The following MCOLN2 variants were observed in gnomAD, a reference collection of about 807,000 sequenced individuals.
MCOLN2 encodes the protein mucolipin TRP cation channel 2.
A neutral mutation model predicts 67.5 loss-of-function variants in MCOLN2; 57 were observed. The observed-to-expected ratio is 0.84, with a 90% CI of 0.68 to 1.05. The LOEUF (loss-of-function observed/expected upper bound fraction) is 1.05. Ranked by LOEUF, MCOLN2 falls within the 50% of genes least tolerant of loss-of-function variation. The probability of loss-of-function intolerance (pLI) is 0.00; values close to 1 mark genes in which losing one functional copy is unlikely to be tolerated. For missense variants in MCOLN2, 620 were observed against 678.8 expected, an observed-to-expected ratio of 0.91 and a Z score of 0.96; for synonymous variants, 246 against 233.3, an observed-to-expected ratio of 1.05 and a Z score of -0.50.
Position 84,983,341 on chromosome 1 carries a change from C to T in MCOLN2, c.77+13455G>A, listed in dbSNP as rs1260841947. ...TGGGATTGCAGTGATGCAATCATGG[C>T]TCATTGCAGCCTTAACATCCTGAGC... On this transcript the variant is annotated intron_variant, in intron 1 of 13. Coordinates refer to ENST00000370608, the MANE Select transcript of MCOLN2 (RefSeq NM_153259.4). Among the ~76,000 whole-genome samples, 3 of 152,190 alleles carry T rather than the reference C, an allele frequency of 2.0e-5. No individual in the cohort carries two copies. The East Asian group carries it at 5.8e-4, about 29-fold the overall frequency.
intron 1 of MCOLN2, among the ~76,000 whole-genome samples, chr1:84,983,864 A>T (rs1237007895): frequency 6.6e-6 from 1 of 151,814 alleles, no homozygotes; most frequent in East Asian, 2.0e-4. Context: ...TTTAGTAGAG[A>T]CAGGGTTTCA....
At chr1:84,973,416 T>C (rs976001009) in intron 1 of MCOLN2, among the ~76,000 whole-genome samples, 2 of 152,140 alleles carry the variant, frequency 1.3e-5, no homozygotes, top group African/African-American at 4.8e-5. Context: ...AGTTCAAGGC[T>C]GCAGTGAGCT....
At chr1:84,935,417 G>A (rs1402799317) in intron 11 of MCOLN2, among the ~76,000 whole-genome samples, 1 of 152,166 alleles carries the variant, frequency 6.6e-6, no homozygotes, top group Non-Finnish European at 1.5e-5. Context: ...CTAACATTAA[G>A]TGAAAGACAT....
At chr1:84,965,744 G>A in intron 1 of MCOLN2, 36 bp from the exon 2 acceptor site, 1 of 1,601,184 alleles carries the variant, frequency 6.2e-7, no homozygotes, top group Non-Finnish European at 8.5e-7. Context: ...ATCCAGGAAA[G>A]CCTCTCCCTC....
chr1:84,943,537 T>C (rs1174555461), intron 7 of MCOLN2, among the ~76,000 whole-genome samples: 1 of 147,714 alleles, frequency 6.8e-6, no homozygotes, highest in Admixed American at 6.7e-5. Context: ...GCGGTCAGAG[T>C]CTTCCACAGC....
chr1:84,987,776 T>C (rs1650694090), intron 1 of MCOLN2, among the ~76,000 whole-genome samples: 1 of 150,030 alleles, frequency 6.7e-6, no homozygotes, highest in Non-Finnish European at 1.5e-5. Context: ...GCAACCTGGA[T>C]GGATCTGGAG....
At chr1:84,939,185 A>T (rs1251489936) in intron 9 of MCOLN2, among the ~76,000 whole-genome samples, 2 of 152,076 alleles carry the variant, frequency 1.3e-5, no homozygotes, top group Non-Finnish European at 2.9e-5. Context: ...TCCTGCCCTC[A>T]CCCCATCCGT....
At chr1:84,943,978 G>A (rs1478930691) in intron 7 of MCOLN2, among the ~76,000 whole-genome samples, 1 of 152,164 alleles carries the variant, frequency 6.6e-6, no homozygotes, top group African/African-American at 2.4e-5. Context: ...CATGGAATGG[G>A]GCAGAGGAAA....
chr1:84,988,449 A>G (rs1417024334), intron 1 of MCOLN2, among the ~76,000 whole-genome samples: 3 of 152,162 alleles, frequency 2.0e-5, no homozygotes, highest in East Asian at 1.9e-4. Flanking sequence ...CAAGATTTTT[A>G]TAAGTTACTC....
intron 1 of MCOLN2, among the ~76,000 whole-genome samples, chr1:84,991,644 A>G (rs1482915614): frequency 6.6e-6 from 1 of 152,210 alleles, no homozygotes; most frequent in Non-Finnish European, 1.5e-5. Flanking sequence ...AGAGCCACTC[A>G]TGAAAGATGA....
chr1:84,945,244 C>G (rs1399692334), intron 7 of MCOLN2, among the ~76,000 whole-genome samples: 2 of 152,156 alleles, frequency 1.3e-5, no homozygotes, highest in Admixed American at 1.3e-4. Flanking sequence ...GACTGACTAG[C>G]TTGGAAATTT....
At chr1:84,927,117 T>C (rs1368450879) in intron 13 of MCOLN2, among the ~76,000 whole-genome samples, 1 of 151,954 alleles carries the variant, frequency 6.6e-6, no homozygotes. Context: ...AGATGATGCG[T>C]TGATAGGTGC....
In MCOLN2 at chr1:84,996,972, G is replaced by T. The variant is rs1239784408; in HGVS notation, c.-100C>A. The T allele has an allele frequency of 7.6e-6, 8 of 1,056,016 alleles. No homozygotes were observed. Among genetic ancestry groups the T allele is most frequent in the Non-Finnish European group, 1.2e-5 (8 of 692,272 alleles). The allele number at this position is 1,056,016 out of a possible 1,614,324, so 65.4% of individuals were successfully genotyped here. A position where few individuals can be genotyped will look rare whatever the true frequency, so the allele number is the denominator to read the frequency against. ...CCCTCGCCGTAACGCGTCCGCCGAAGTTGGAGCCCTGCAAAGCGGGGTTCC... is the reference window on the plus strand; with the variant it reads ...CCCTCGCCGTAACGCGTCCGCCGAATTTGGAGCCCTGCAAAGCGGGGTTCC... On this transcript the variant is annotated 5_prime_UTR_variant, in exon 1 of 14. Coordinates refer to ENST00000370608, the MANE Select transcript of MCOLN2 (RefSeq NM_153259.4).
rs1467402885 is a variant in MCOLN2, at chr1:84,997,101, G to T, written c.-229C>A. The T allele has an allele frequency of 5.3e-6, 3 of 565,990 alleles. No individual in the cohort carries two copies. Among genetic ancestry groups the T allele is most frequent in the Non-Finnish European group, 9.4e-6 (3 of 319,896 alleles). The allele number at this position is 565,990 out of a possible 1,614,324, so 35.1% of individuals were successfully genotyped here. A position where few individuals can be genotyped will look rare whatever the true frequency, so the allele number is the denominator to read the frequency against. On this transcript the variant is annotated 5_prime_UTR_variant, in exon 1 of 14. Coordinates refer to ENST00000370608, the MANE Select transcript of MCOLN2 (RefSeq NM_153259.4). ...GCGGGCAGTTCTCGGGCGGCTGAAA[G>T]GCGGCTCTGTGTGCACCCTGCAGGA... is the stretch of plus-strand genomic sequence containing the variant.
At chr1:84,942,081 C>T (rs1296068008) in intron 7 of MCOLN2, among the ~76,000 whole-genome samples, 6 of 152,192 alleles carry the variant, frequency 3.9e-5, no homozygotes, top group Non-Finnish European at 8.8e-5. Context: ...TGGAACAGCA[C>T]TTCTCCCACA....
intron 1 of MCOLN2, among the ~76,000 whole-genome samples, chr1:84,972,349 T>A (rs663843): frequency 6.6e-6 from 1 of 152,070 alleles, no homozygotes; most frequent in Non-Finnish European, 1.5e-5. Flanking sequence ...CATTAACCCA[T>A]AGGAAATGCA....
At chr1:84,943,481 G>A (rs1647909870) in intron 7 of MCOLN2, among the ~76,000 whole-genome samples, 1 of 152,062 alleles carries the variant, frequency 6.6e-6, no homozygotes, top group African/African-American at 2.4e-5. Flanking sequence ...AAGGCCAGAG[G>A]AGAAGCAAAC....
At position 84,953,550 on chromosome 1, in the gene MCOLN2, C is replaced by CAA. The variant is rs138750958; in HGVS notation, c.566-1022_566-1021dup. Among the ~76,000 whole-genome samples, 9 of 118,396 alleles carry CAA rather than the reference C, an allele frequency of 7.6e-5. No individual in the cohort carries two copies. The East Asian group carries it at 7.7e-4, about 10-fold the overall frequency. The allele number at this position is 118,396 out of a possible 152,430, so 77.7% of individuals were successfully genotyped here. The stretch of plus-strand genomic sequence containing the variant: ...GGGCGACAAGAACGAAACTCTATCT[C>CAA]AAAAAAAAAAAAAAAAAATGTTAGT... On this transcript the variant is annotated intron_variant, in intron 4 of 13. Transcript: ENST00000370608.
Position 84,979,454 on chromosome 1 carries a change from C to T in MCOLN2, c.78-13746G>A, listed in dbSNP as rs147138029. Among the ~76,000 whole-genome samples, 107 of 152,294 alleles carry T rather than the reference C, an allele frequency of 7.0e-4. No individual in the cohort carries two copies. In the East Asian group the frequency reaches 0.017, roughly 24 times the overall value. On this transcript the variant is annotated intron_variant, in intron 1 of 13. Coordinates refer to ENST00000370608, the MANE Select transcript of MCOLN2 (RefSeq NM_153259.4). ...AATACTAGCAAACCAAATTCAACAA[C>T]ACATTAGAAAGATCATTCATCATGA...
Sources: allele counts gnomAD v4.1 joint callset (sites outside exome capture counted in the v4.1 genomes callset), GRCh38; gene constraint gnomAD v4.1.1; transcripts MANE v1.5; gene names NCBI Gene and HGNC (gene_info 2026-07-23, HGNC 2026-07-21).